Variants in MED13 observed in about 807,000 individuals in gnomAD.
MED13 encodes the protein mediator of RNA polymerase II transcription subunit 13.
MED13 carries 23 observed loss-of-function variants against 225.2 expected under a neutral mutation model. That is an observed-to-expected ratio of 0.10 (90% CI 0.07 to 0.14). MED13 has a LOEUF of 0.14. Ranked by LOEUF, MED13 falls within the 10% of genes least tolerant of loss-of-function variation. The probability of loss-of-function intolerance (pLI) is 1.00; values close to 1 mark genes in which losing one functional copy is unlikely to be tolerated. For missense variants in MED13, 2,197 were observed against 2,594.5 expected (o/e 0.85, Z 3.33); for synonymous variants, 942 against 889.2 (o/e 1.06, Z -1.06).
chr17:61,988,705 A>G (rs78672786), intron 11 of MED13, among the ~76,000 whole-genome samples: 24,240 of 151,878 alleles, frequency 0.16, 2,377 homozygotes, highest in East Asian at 0.5. Context: ...TAAGTAGCCC[A>G]AACAACCCAA....
chr17:61,966,587 C>T lies in MED13; in HGVS notation c.4256G>A (p.Gly1419Glu), dbSNP rs756941886. The T allele has an allele frequency of 8.1e-6, 13 of 1,613,882 alleles. No homozygotes were observed. Among genetic ancestry groups the T allele is most frequent in the Non-Finnish European group, 1.0e-5 (12 of 1,179,886 alleles). ...RLLTDGIMRV[G>E]STASKKLSEK... The stretch of plus-strand genomic sequence containing the variant: ...TGATAGTTTCTTTGATGCAGTAGAT[C>T]CAACTCTCATGATCCCATCTGTTAA... Residue 1419 changes from glycine to glutamate, a missense_variant, in exon 19 of 30, where the codon GGA becomes GAA. Gly to Glu is a moderately conservative substitution (Grantham distance 98). This residue lies in a region of MED13 where 457 missense variants were observed against 442.2 expected (regional missense o/e 1.03). Transcript: ENST00000397786.
At chr17:61,991,335 T>A (rs1294332924) in intron 11 of MED13, among the ~76,000 whole-genome samples, 2 of 151,878 alleles carry the variant, frequency 1.3e-5, no homozygotes, top group Admixed American at 6.6e-5. Context: ...GCCAGGCTGG[T>A]CTTCACCTCC....
rs957863384 is a variant in MED13 at position 62,065,269 on chromosome 17, C to T, written c.-64G>A. On this transcript the variant is annotated 5_prime_UTR_variant, in exon 1 of 30. Coordinates refer to ENST00000397786, the MANE Select transcript of MED13 (RefSeq NM_005121.3). ...CATCCGCCATTACCGCCGCCTCCGA[C>T]CAGAGAGAGAAACACAGACACCGGG... is the stretch of plus-strand genomic sequence containing the variant. 3.1e-6 allele frequency: 4 copies of T among 1,295,010 alleles called. No individual in the cohort carries two copies. The highest frequency in any genetic ancestry group is 4.3e-6 in the Non-Finnish European group (4 of 940,244). 80.2% of individuals were successfully genotyped at this position (1,295,010 alleles called of 1,614,324 possible).
At chr17:61,979,872 T>G (rs1384423347) in intron 16 of MED13, among the ~76,000 whole-genome samples, 2 of 152,158 alleles carry the variant, frequency 1.3e-5, no homozygotes, top group Non-Finnish European at 2.9e-5. Flanking sequence ...TCGAAGTATT[T>G]GATAGAGATG....
chr17:61,964,884 G>T, intron 20 of MED13, 122 bp downstream of exon 20: 1 of 903,064 alleles, frequency 1.1e-6, no homozygotes, highest in Non-Finnish European at 1.6e-6. Flanking sequence ...TGCAGTGAGT[G>T]CAGATCCCAC....
intron 21 of MED13, among the ~76,000 whole-genome samples, chr17:61,962,286 G>GA (rs1567944893): frequency 6.6e-6 from 1 of 151,466 alleles, no homozygotes; most frequent in Non-Finnish European, 1.5e-5. Context: ...CTCTGTCTCA[G>GA]AAAAAAAACA....
chr17:62,022,177 ATAT>A (rs1567984345), intron 8 of MED13, among the ~76,000 whole-genome samples: 13 of 128,120 alleles, frequency 1.0e-4, no homozygotes, highest in East Asian at 2.4e-4. Context: ...AAAAAAAAAT[ATAT>A]ATATATATAT....
intron 4 of MED13, among the ~76,000 whole-genome samples, chr17:62,034,379 C>T (rs1459859612): frequency 1.3e-5 from 2 of 150,858 alleles, no homozygotes; most frequent in East Asian, 2.0e-4. Flanking sequence ...CCCAGCTACT[C>T]GGGAGGCTGA....
At chr17:62,048,399 A>C (rs1275434484) in intron 3 of MED13, among the ~76,000 whole-genome samples, 4 of 36,228 alleles carry the variant, frequency 1.1e-4, no homozygotes, top group African/African-American at 7.9e-4. Context: ...AGACTGTTTC[A>C]AAAAAAAAAA....
intron 9 of MED13, among the ~76,000 whole-genome samples, chr17:62,001,082 C>G (rs2080390706): frequency 6.6e-6 from 1 of 152,094 alleles, no homozygotes; most frequent in African/African-American, 2.4e-5. Flanking sequence ...AATAGTTATT[C>G]CAAGGTACTT....
rs1489825948 is a variant in MED13 at position 62,065,066 on chromosome 17, G to A, written c.66+74C>T. ...GAACTCGGGCATCTGGACCAGACCC[G>A]GCCCCCTCCCCCACGGCCCAAGGGC... is the stretch of plus-strand genomic sequence containing the variant. On this transcript the variant is annotated intron_variant, in intron 1 of 29. Transcript: ENST00000397786. The A allele has an allele frequency of 3.7e-6, 5 of 1,361,360 alleles. No individual in the cohort carries two copies. The East Asian group carries it at 1.5e-4, about 41-fold the overall frequency. The allele number at this position is 1,361,360 out of a possible 1,614,324, so 84.3% of individuals were successfully genotyped here. A position where few individuals can be genotyped will look rare whatever the true frequency, so the allele number is the denominator to read the frequency against.
chr17:61,949,044 C>T (rs572435116), intron 28 of MED13, among the ~76,000 whole-genome samples: 212 of 150,344 alleles, frequency 1.4e-3, no homozygotes, highest in African/African-American at 4.8e-3. Flanking sequence ...GCCGAGATCC[C>T]GCCACTGCAC....
intron 16 of MED13, among the ~76,000 whole-genome samples, chr17:61,975,958 G>C (rs2080152268): frequency 6.6e-6 from 1 of 152,136 alleles, no homozygotes; most frequent in African/African-American, 2.4e-5. Flanking sequence ...GGAGGTTGCA[G>C]TGAGCCAAGA....
At position 62,030,169 on chromosome 17, in the gene MED13, A is replaced by G. The variant is rs897560188; in HGVS notation, c.1010-156T>C. 21 of 673,030 alleles carry G rather than the reference A, an allele frequency of 3.1e-5. No homozygotes were observed. In the African/African-American group the frequency reaches 3.5e-4, roughly 11 times the overall value. 41.7% of individuals were successfully genotyped at this position (673,030 alleles called of 1,614,324 possible). A position where few individuals can be genotyped will look rare whatever the true frequency, so the allele number is the denominator to read the frequency against. On this transcript the variant is annotated intron_variant, in intron 6 of 29. Transcript: ENST00000397786. ...AAAAAGCATGCTACTTTTTGGAACC[A>G]GATCTCATTAGGCAAATGTGGCAAT...
intron 16 of MED13, among the ~76,000 whole-genome samples, chr17:61,975,544 A>C (rs2080147552): frequency 6.6e-6 from 1 of 152,214 alleles, no homozygotes; most frequent in South Asian, 2.1e-4. Flanking sequence ...ATGGAAAACA[A>C]TCTGGCGGTT....
Position 61,958,762 on chromosome 17 carries a change from C to T in MED13, c.5480+2105G>A, listed in dbSNP as rs554978460. Among the ~76,000 whole-genome samples the T allele has an allele frequency of 5.9e-5, 9 of 152,238 alleles. No individual in the cohort carries two copies. The South Asian group carries it at 1.7e-3, about 28-fold the overall frequency. ...TGTTGGGATTACAGGCATAAGCAAC[C>T]GTGCCCAGCCAACAGTGGCTATGAC... On this transcript the variant is annotated intron_variant, in intron 23 of 29. Coordinates refer to ENST00000397786, the MANE Select transcript of MED13 (RefSeq NM_005121.3).
In MED13 at chr17:61,944,042, T is replaced by G. The variant is rs2079834150; in HGVS notation, c.*2426A>C. The G allele has an allele frequency of 6.6e-6, 1 of 152,608 alleles. No homozygotes were observed. Among genetic ancestry groups the G allele is most frequent in the East Asian group, 1.9e-4 (1 of 5,202 alleles). 9.5% of individuals were successfully genotyped at this position (152,608 alleles called of 1,614,324 possible). A position where few individuals can be genotyped will look rare whatever the true frequency, so the allele number is the denominator to read the frequency against. On this transcript the variant is annotated 3_prime_UTR_variant, in exon 30 of 30. Transcript: ENST00000397786. Reference sequence around the variant, plus strand: ...GTCTACTGAGCTTTTCTAATGGTTATTTAATAACTTTCCATTGAGTTTGAA... The same window carrying G: ...GTCTACTGAGCTTTTCTAATGGTTAGTTAATAACTTTCCATTGAGTTTGAA...
At chr17:62,015,865 G>A (rs1351000867) in intron 8 of MED13, among the ~76,000 whole-genome samples, 1 of 74,056 alleles carries the variant, frequency 1.4e-5, no homozygotes, top group East Asian at 5.6e-4. Context: ...TGTATAGTGT[G>A]TATGTGTGTG....
intron 3 of MED13, among the ~76,000 whole-genome samples, chr17:62,042,578 A>C (rs909032375): frequency 6.6e-6 from 1 of 151,320 alleles, no homozygotes; most frequent in African/African-American, 2.4e-5. Flanking sequence ...AAAAAAAAAA[A>C]AACCAAAAAA....
Sources: allele counts gnomAD v4.1 joint callset (sites outside exome capture counted in the v4.1 genomes callset), GRCh38; gene constraint gnomAD v4.1.1; regional missense constraint gnomAD v4.1.1; transcripts MANE v1.5; gene names NCBI Gene and HGNC (gene_info 2026-07-23, HGNC 2026-07-21).